HDAC9: variants seen among roughly 807,000 people sequenced by gnomAD.
The protein encoded by HDAC9 is MEF-2 interacting transcription repressor (MITR) protein.
A neutral mutation model predicts 139.4 loss-of-function variants in HDAC9; 41 were observed. That is an observed-to-expected ratio of 0.29 (90% CI 0.23 to 0.38). HDAC9 has a LOEUF of 0.38. Ranked by LOEUF, HDAC9 falls within the 10% of genes least tolerant of loss-of-function variation. HDAC9 has a pLI of 1.00. For missense variants in HDAC9, 1,147 were observed against 1,297.0 expected, an observed-to-expected ratio of 0.88 and a Z score of 1.78; for synonymous variants, 517 against 476.2, an observed-to-expected ratio of 1.09 and a Z score of -1.12.
At chr7:18,483,249 A>G (rs754179992) in intron 1 of HDAC9, among the ~76,000 whole-genome samples, 49 of 152,312 alleles carry the variant, frequency 3.2e-4, no homozygotes, top group Non-Finnish European at 6.0e-4. Flanking sequence ...GTGTCTCAAG[A>G]ACAGGTAATG....
At chr7:18,745,526 C>T (rs774200717) in intron 13 of HDAC9, among the ~76,000 whole-genome samples, 3 of 144,906 alleles carry the variant, frequency 2.1e-5, no homozygotes, top group African/African-American at 7.6e-5. Flanking sequence ...ATTAGACTCT[C>T]TACTCTTTTT....
At chr7:18,365,514 AT>A (rs767200062) in intron 1 of HDAC9, among the ~76,000 whole-genome samples, 32 of 152,202 alleles carry the variant, frequency 2.1e-4, no homozygotes, top group Non-Finnish European at 4.0e-4. Context: ...GTGATGAATC[AT>A]TTTTGCAGTA....
At chr7:18,658,116 C>G (rs1375110626) in intron 11 of HDAC9, among the ~76,000 whole-genome samples, 1 of 152,054 alleles carries the variant, frequency 6.6e-6, no homozygotes, top group Non-Finnish European at 1.5e-5. Context: ...CCCATCCAAA[C>G]AAGAGTAAAC....
chr7:18,745,467 C>G (rs1449863701), intron 13 of HDAC9, among the ~76,000 whole-genome samples: 1 of 148,754 alleles, frequency 6.7e-6, no homozygotes, highest in Non-Finnish European at 1.5e-5. Context: ...CAGAGGTAAG[C>G]TTAGATATGT....
chr7:18,342,131 C>T (rs1463436833), intron 1 of HDAC9, among the ~76,000 whole-genome samples: 1 of 151,714 alleles, frequency 6.6e-6, no homozygotes, highest in Admixed American at 6.6e-5. Context: ...AGGTCAGTAC[C>T]CTGCTGATTT....
intron 12 of HDAC9, among the ~76,000 whole-genome samples, chr7:18,708,693 G>T (rs948547366): frequency 9.2e-5 from 14 of 152,186 alleles, no homozygotes; most frequent in African/African-American, 2.9e-4. Flanking sequence ...GGTTTGGGCT[G>T]TGAATGGAAT....
At chr7:18,266,844 A>G (rs1245619869) in intron 2 of HDAC9, among the ~76,000 whole-genome samples, 1 of 152,180 alleles carries the variant, frequency 6.6e-6, no homozygotes, top group Non-Finnish European at 1.5e-5. Flanking sequence ...TTTGATGCCC[A>G]AGAGCCCATG....
chr7:18,733,291 T>G (rs1017525238), intron 13 of HDAC9, among the ~76,000 whole-genome samples: 1 of 149,034 alleles, frequency 6.7e-6, no homozygotes, highest in African/African-American at 2.5e-5. Flanking sequence ...TGTATATATG[T>G]GTATATATGT....
intron 21 of HDAC9, among the ~76,000 whole-genome samples, chr7:18,856,589 T>C (rs1049851610): frequency 9.2e-5 from 14 of 152,190 alleles, no homozygotes; most frequent in African/African-American, 3.4e-4. Flanking sequence ...ATTGCAAATG[T>C]ACATTATGAA....
intron 2 of HDAC9, among the ~76,000 whole-genome samples, chr7:18,274,789 A>G (rs1296511613): frequency 6.6e-6 from 1 of 152,238 alleles, no homozygotes; most frequent in Non-Finnish European, 1.5e-5. Context: ...TCATTTATAT[A>G]AAGCTGAAAC....
At chr7:18,291,198 A>C (rs1797784337) in intron 1 of HDAC9, among the ~76,000 whole-genome samples, 1 of 152,132 alleles carries the variant, frequency 6.6e-6, no homozygotes, top group Admixed American at 6.6e-5. Context: ...AGCAATATAA[A>C]GTTTAGAGAA....
chr7:18,177,210 G>A (rs79840909), intron 2 of HDAC9, among the ~76,000 whole-genome samples: 5,389 of 152,300 alleles, frequency 0.035, 127 homozygotes, highest in Non-Finnish European at 0.049. Context: ...TGAGGAGGAA[G>A]GGAAATGAAG....
chr7:18,911,121 T>G (rs111455082), intron 22 of HDAC9, among the ~76,000 whole-genome samples: 1 of 151,608 alleles, frequency 6.6e-6, no homozygotes, highest in African/African-American at 2.4e-5. Flanking sequence ...TGATTCTATC[T>G]TGTTATTTGT....
chr7:18,196,816 A>C (rs971362379), intron 2 of HDAC9, among the ~76,000 whole-genome samples: 8 of 152,118 alleles, frequency 5.3e-5, no homozygotes, highest in Non-Finnish European at 8.8e-5. Flanking sequence ...CAGTAATGAG[A>C]CTGGAGAAAA....
intron 17 of HDAC9, chr7:18,808,362 A>G (rs1324753175): frequency 3.3e-5 from 5 of 152,228 alleles, no homozygotes; most frequent in African/African-American, 9.6e-5. Flanking sequence ...AGGCATCCAA[A>G]TTAGAAAGAA....
chr7:18,162,741 G>A (rs545362970), intron 2 of HDAC9: 291 of 176,012 alleles, frequency 1.7e-3, no homozygotes, highest in Non-Finnish European at 2.9e-3. Context: ...TCAGTTTGTG[G>A]ATTGACTCCA....
chr7:18,093,668 A>G (rs141624689), intron 1 of HDAC9, among the ~76,000 whole-genome samples: 111 of 152,320 alleles, frequency 7.3e-4, no homozygotes, highest in African/African-American at 2.5e-3. Flanking sequence ...ATTAAATTAA[A>G]TCAGGTAACA....
chr7:18,214,392 A>G (rs1792152314), intron 2 of HDAC9, among the ~76,000 whole-genome samples: 2 of 152,092 alleles, frequency 1.3e-5, no homozygotes, highest in South Asian at 2.1e-4. Flanking sequence ...GGCCATCTTC[A>G]TATACTTCAA....
intron 13 of HDAC9, among the ~76,000 whole-genome samples, chr7:18,741,058 G>C (rs547058064): frequency 1.3e-5 from 2 of 152,168 alleles, no homozygotes; most frequent in Non-Finnish European, 2.9e-5. Context: ...GAAAGAAGCC[G>C]TCTCTGTAAC....
Sources: allele counts gnomAD v4.1 joint callset (sites outside exome capture counted in the v4.1 genomes callset), GRCh38; gene constraint gnomAD v4.1.1; transcripts MANE v1.5; gene names NCBI Gene and HGNC (gene_info 2026-07-23, HGNC 2026-07-21).